OGFOD1: variants seen among roughly 807,000 people sequenced by gnomAD.
OGFOD1 encodes the protein prolyl 3-hydroxylase OGFOD1.
Under a neutral mutation model 67.7 loss-of-function variants are expected in OGFOD1, and 54 were observed. The observed-to-expected ratio is 0.80, with a 90% confidence interval of 0.64 to 1.00. The LOEUF is 1.00. OGFOD1 is among the 50% of genes least tolerant of loss of function. The probability of loss-of-function intolerance (pLI) is 0.00; values close to 1 mark genes in which losing one functional copy is unlikely to be tolerated. For missense variants in OGFOD1, 606 were observed against 646.7 expected (o/e 0.94, Z 0.68); for synonymous variants, 221 against 227.0 (o/e 0.97, Z 0.24).
chr16:56,464,633 A>G lies in OGFOD1; in HGVS notation c.449-1519A>G, dbSNP rs931527014. ...TGAGCTGTTACCAGTTACTATCATT[A>G]TATTGATGCTCATACTGTCCCTGAT... On this transcript the variant is annotated intron_variant, in intron 4 of 12. Transcript: ENST00000566157. Among the ~76,000 whole-genome samples the G allele has an allele frequency of 2.6e-5, 4 of 152,168 alleles. No homozygotes were observed. The South Asian group carries it at 6.2e-4, about 24-fold the overall frequency.
Position 56,469,877 on chromosome 16 carries a change from A to G in OGFOD1, c.901-126A>G, listed in dbSNP as rs1418022587. 8.5e-5 allele frequency: 48 copies of G among 565,808 alleles called. No individual in the cohort carries two copies. The East Asian group carries it at 1.4e-3, about 16-fold the overall frequency. The allele number at this position is 565,808 out of a possible 1,614,324, so 35.0% of individuals were successfully genotyped here. A position where few individuals can be genotyped will look rare whatever the true frequency, so the allele number is the denominator to read the frequency against. The stretch of plus-strand genomic sequence containing the variant: ...AAAAAAAAAAAAAAAAAAAAAAGGA[A>G]TGAGAGTCAACTGCACCTTTTAGGA... On this transcript the variant is annotated intron_variant, in intron 8 of 12. Transcript: ENST00000566157.
chr16:56,471,109 T>C (rs1216023678), intron 10 of OGFOD1, among the ~76,000 whole-genome samples: 3 of 151,886 alleles, frequency 2.0e-5, no homozygotes, highest in African/African-American at 7.3e-5. Flanking sequence ...CCCAGCACTT[T>C]TGGAGGCGGA....
intron 3 of OGFOD1, among the ~76,000 whole-genome samples, chr16:56,461,446 G>A (rs545511149): frequency 1.3e-5 from 2 of 152,220 alleles, no homozygotes; most frequent in East Asian, 3.9e-4. Flanking sequence ...TCTCAGTTCT[G>A]TCCTTTTATA....
rs201952873 is a variant in OGFOD1, at chr16:56,470,073, C to T, written c.971C>T (p.Pro324Leu). 1 of 1,613,864 alleles carries T rather than the reference C, an allele frequency of 6.2e-7. No homozygotes were observed. Among genetic ancestry groups the T allele is most frequent in the Non-Finnish European group, 8.5e-7 (1 of 1,179,838 alleles). The change falls in exon 9 of 13, where the codon CCT becomes CTT. Residue 324 changes from proline to leucine, a missense_variant. Transcript: ENST00000566157. ...GHVEWSSRGP[P>L]NKRFYEKAEE... is the part of the protein sequence containing the mutation. ...GTGGAATGGAGCAGCCGAGGTCCCCCTAACAAAAGGTAGAACCCGTCATCT... is the reference window on the plus strand; with the variant it reads ...GTGGAATGGAGCAGCCGAGGTCCCCTTAACAAAAGGTAGAACCCGTCATCT...
chr16:56,454,201 T>A (rs1234465862), intron 2 of OGFOD1, among the ~76,000 whole-genome samples: 1 of 151,984 alleles, frequency 6.6e-6, no homozygotes, highest in African/African-American at 2.4e-5. Context: ...TATAAAAATT[T>A]TCTGGGTATG....
Position 56,467,157 on chromosome 16 carries a change from C to G in OGFOD1, c.658-8C>G, listed in dbSNP as rs1962937458. 6.2e-7 allele frequency: 1 copy of G among 1,613,974 alleles called. No homozygotes were observed. On this transcript the variant is annotated splice_region_variant and splice_polypyrimidine_tract_variant and intron_variant, in intron 6 of 12. Transcript: ENST00000566157. Reference sequence around the variant, plus strand: ...CGTGTTGATGTGCTACTGGGCTTCTCCTTTCAGGTGTCTGAAGTGCTGTCT... The same window carrying G: ...CGTGTTGATGTGCTACTGGGCTTCTGCTTTCAGGTGTCTGAAGTGCTGTCT...
rs545085993 is a variant in OGFOD1 at position 56,469,568 on chromosome 16, G to C, written c.901-435G>C. Among the ~76,000 whole-genome samples, 39 of 152,144 alleles carry C rather than the reference G, an allele frequency of 2.6e-4. 1 individual carries two copies. The highest frequency in any genetic ancestry group is 9.2e-4 in the African/African-American group (38 of 41,494). ...AGGGGATCTTGTATGAAAGGAGTGA[G>C]AGTCGGCCAGGCGCAGTGGCTGATG... On this transcript the variant is annotated intron_variant, in intron 8 of 12. Transcript: ENST00000566157.
At chr16:56,463,383 G>GT (rs1962782860) in intron 4 of OGFOD1, among the ~76,000 whole-genome samples, 1 of 80,110 alleles carries the variant, frequency 1.2e-5, no homozygotes. Context: ...TTCTTTTTTG[G>GT]GTTTTTTTTT....
chr16:56,462,352 A>T (rs1221286862), intron 3 of OGFOD1, among the ~76,000 whole-genome samples, 182 bp from the exon 4 acceptor site: 1 of 152,160 alleles, frequency 6.6e-6, no homozygotes, highest in Admixed American at 6.5e-5. Context: ...GGAACATTAG[A>T]CTTAAACTAT....
intron 2 of OGFOD1, among the ~76,000 whole-genome samples, chr16:56,457,140 T>C (rs1213402940): frequency 6.6e-6 from 1 of 152,210 alleles, no homozygotes; most frequent in Admixed American, 6.5e-5. Flanking sequence ...TGTGCACAAA[T>C]GTTCATAGCA....
chr16:56,467,677 T>C (rs1962964413), intron 7 of OGFOD1, among the ~76,000 whole-genome samples: 1 of 152,194 alleles, frequency 6.6e-6, no homozygotes, highest in Non-Finnish European at 1.5e-5. Context: ...TCCACCCACC[T>C]TGGCCTCCCA....
In OGFOD1 at chr16:56,466,694, G is replaced by C. The variant is rs1596976872; in HGVS notation, c.566-182G>C. 4.7e-6 allele frequency: 3 copies of C among 631,820 alleles called. No individual in the cohort carries two copies. The East Asian group carries it at 7.8e-5, about 16-fold the overall frequency. The allele number at this position is 631,820 out of a possible 1,614,324, so 39.1% of individuals were successfully genotyped here. ...TTCTCAATAATAGATGGATGGTGTA[G>C]TAAGAACAGATGCCACGTAGTCAAA... is the stretch of plus-strand genomic sequence containing the variant. On this transcript the variant is annotated intron_variant, in intron 5 of 12. Coordinates refer to ENST00000566157, the MANE Select transcript of OGFOD1 (RefSeq NM_018233.4).
chr16:56,457,485 C>A (rs1003295066), intron 2 of OGFOD1, among the ~76,000 whole-genome samples: 4 of 152,194 alleles, frequency 2.6e-5, no homozygotes, highest in Admixed American at 6.5e-5. Context: ...GATCGCCCAA[C>A]ATTGTGAATA....
At chr16:56,467,811 G>A in intron 7 of OGFOD1, 94 bp from the exon 8 acceptor site, 1 of 724,328 alleles carries the variant, frequency 1.4e-6, no homozygotes, top group Non-Finnish European at 2.5e-6. Context: ...TATAAAATGA[G>A]GATTTGCATG....
At position 56,473,786 on chromosome 16, in the gene OGFOD1, A is replaced by G. The variant is rs1050166353; in HGVS notation, c.1286-1042A>G. The stretch of plus-strand genomic sequence containing the variant: ...TTGTCATTTTATTAGTTAATTTTAA[A>G]AAGTTACATATAGGAGTATTAACCT... On this transcript the variant is annotated intron_variant, in intron 10 of 12. Transcript: ENST00000566157. 2.0e-5 allele frequency among the ~76,000 whole-genome samples: 3 copies of G among 151,962 alleles called. No individual in the cohort carries two copies. The East Asian group carries it at 5.8e-4, about 29-fold the overall frequency.
chr16:56,454,262 C>G (rs1206274020), intron 2 of OGFOD1, among the ~76,000 whole-genome samples: 7 of 152,130 alleles, frequency 4.6e-5, no homozygotes, highest in Non-Finnish European at 1.0e-4. Flanking sequence ...GCAGGAGAAT[C>G]ACTTGAACCC....
chr16:56,466,131 G>C lies in OGFOD1; in HGVS notation c.449-21G>C, dbSNP rs751003426. 1.9e-6 allele frequency: 3 copies of C among 1,566,948 alleles called. No homozygotes were observed. In the African/African-American group the frequency reaches 4.1e-5, roughly 21 times the overall value. On this transcript the variant is annotated intron_variant, in intron 4 of 12. Transcript: ENST00000566157. ...TGGTCACTATCTGCAGGGATCTAAG[G>C]TGTCCATTAAACTATTGCAGATGCC...
intron 10 of OGFOD1, among the ~76,000 whole-genome samples, chr16:56,471,365 GAAAAAAAAA>G (rs755598469): frequency 6.5e-5 from 6 of 92,582 alleles, no homozygotes; most frequent in Non-Finnish European, 1.2e-4. Flanking sequence ...ACATCTCAAA[GAAAAAAAAA>G]AAAAAAGAAA....
intron 2 of OGFOD1, among the ~76,000 whole-genome samples, chr16:56,455,139 G>A (rs896908001): frequency 1.9e-4 from 29 of 152,122 alleles, no homozygotes; most frequent in African/African-American, 6.8e-4. Context: ...AGGCTGAGGC[G>A]GGCAGATCAC....
Sources: gnomAD v4.1 joint callset for allele counts (sites outside exome capture counted in the v4.1 genomes callset) on GRCh38, gnomAD v4.1.1 for gene constraint, MANE v1.5 for transcripts, NCBI Gene and HGNC (gene_info 2026-07-23, HGNC 2026-07-21) for gene names.